Variants in TRMT2B observed in about 807,000 individuals in gnomAD.
The protein encoded by TRMT2B is tRNA methyltransferase 2B.
In TRMT2B, 34 loss-of-function variants were observed where a neutral mutation model predicts 39.7. That is an observed-to-expected ratio of 0.86 (90% CI 0.65 to 1.14). The LOEUF is 1.14. TRMT2B is among the 50% of genes most tolerant of loss of function. TRMT2B has a pLI of 0.00. For synonymous variants in TRMT2B, 132 were observed against 137.3 expected (o/e 0.96, Z 0.27); for missense variants, 318 against 377.2 (o/e 0.84, Z 1.30).
chrX:101,025,651 T>C lies in TRMT2B; in HGVS notation c.610-2035A>G, dbSNP rs1438924637. 3.6e-5 allele frequency among the ~76,000 whole-genome samples: 4 copies of C among 111,549 alleles called. No individual in the cohort carries two copies. In the Admixed American group the frequency reaches 3.9e-4, roughly 11 times the overall value. Reference sequence around the variant, plus strand: ...TCAACATAGTTTTCAAATTTTAAGGTTGGTGATTTAAAGAAAGCCTAGTTC... The same window carrying C: ...TCAACATAGTTTTCAAATTTTAAGGCTGGTGATTTAAAGAAAGCCTAGTTC... On this transcript the variant is annotated intron_variant, in intron 7 of 13. Transcript: ENST00000372936.
At chrX:101,034,788 T>C (rs1291178289) in intron 7 of TRMT2B, among the ~76,000 whole-genome samples, 1 of 110,919 alleles carries the variant, frequency 9.0e-6, no homozygotes, top group African/African-American at 3.3e-5. Flanking sequence ...TCCCAGCACT[T>C]TGGGAGGCCG....
the TRMT2B span, among the ~76,000 whole-genome samples, chrX:100,980,745 A>T: frequency 1.8e-5 from 2 of 111,500 alleles, no homozygotes; most frequent in Non-Finnish European, 3.8e-5. Context: ...GCCCATGGTG[A>T]CTACTGCCTG....
chrX:101,031,685 G>A (rs1386418895), intron 7 of TRMT2B, among the ~76,000 whole-genome samples: 2 of 101,207 alleles, frequency 2.0e-5, no homozygotes, highest in African/African-American at 7.4e-5. Flanking sequence ...TCTAGCCTGG[G>A]CAACAGGAGC....
the TRMT2B span, chrX:100,974,210 G>C: frequency 2.3e-5 from 27 of 1,157,169 alleles, no homozygotes; most frequent in African/African-American, 5.4e-5. Context: ...AAGGAACTAA[G>C]AGCATTAGAT....
chrX:101,039,061 G>A (rs1204305480), intron 4 of TRMT2B, among the ~76,000 whole-genome samples: 2 of 107,063 alleles, frequency 1.9e-5, no homozygotes, highest in Non-Finnish European at 3.9e-5. Flanking sequence ...TAAACTTTTT[G>A]TTTTTTTATT....
intron 4 of TRMT2B, among the ~76,000 whole-genome samples, 178 bp from the exon 5 acceptor site, chrX:101,038,229 G>A (rs1441334762): frequency 2.8e-5 from 3 of 107,934 alleles, no homozygotes; most frequent in East Asian, 2.9e-4. Context: ...TTAGAGGGGC[G>A]TGGTTGTGCA....
chrX:101,001,693 G>A, the TRMT2B span, among the ~76,000 whole-genome samples: 1 of 110,496 alleles, frequency 9.1e-6, no homozygotes, highest in African/African-American at 3.3e-5. Context: ...GGCATGTTAA[G>A]TGACATGAGA....
intron 7 of TRMT2B, among the ~76,000 whole-genome samples, chrX:101,032,962 G>A (rs2087586137): frequency 1.8e-5 from 2 of 110,385 alleles, no homozygotes; most frequent in Non-Finnish European, 3.8e-5. Flanking sequence ...AAGCATTTGG[G>A]AAGAAATTGG....
At chrX:100,985,815 T>C in the TRMT2B span, 2 of 1,209,606 alleles carry the variant, frequency 1.7e-6, no homozygotes, top group African/African-American at 1.8e-5. Flanking sequence ...ATGGGCTTGT[T>C]TTCGTCCTGG....
intron 5 of TRMT2B, chrX:101,037,680 C>A: frequency 3.1e-6 from 1 of 317,587 alleles, no homozygotes; most frequent in Non-Finnish European, 5.5e-6. Flanking sequence ...TCAGCTCTGG[C>A]CCTTTCTAGA....
the TRMT2B span, among the ~76,000 whole-genome samples, chrX:101,001,992 T>C: frequency 9.0e-6 from 1 of 111,278 alleles, no homozygotes; most frequent in Non-Finnish European, 1.9e-5. Context: ...TGTTTTTAAC[T>C]GGGGTCTTAC....
chrX:100,988,454 A>T, the TRMT2B span: 7 of 1,197,349 alleles, frequency 5.8e-6, no homozygotes, highest in Non-Finnish European at 7.9e-6. Context: ...AAAGAAGGTG[A>T]ATGTTCTAGG....
the TRMT2B span, chrX:100,988,296 T>C: frequency 8.3e-7 from 1 of 1,206,268 alleles, no homozygotes; most frequent in Non-Finnish European, 1.1e-6. Flanking sequence ...AAATGGCCCT[T>C]TAAATGTTAA....
intron 7 of TRMT2B, among the ~76,000 whole-genome samples, chrX:101,029,387 C>T (rs758503139): frequency 3.6e-5 from 4 of 110,868 alleles, no homozygotes; most frequent in Non-Finnish European, 5.6e-5. Context: ...TCAGAAAGAA[C>T]AGAGCAAGAT....
At chrX:101,046,335 T>C (rs1017978144) in intron 2 of TRMT2B, among the ~76,000 whole-genome samples, 1 of 111,082 alleles carries the variant, frequency 9.0e-6, no homozygotes, top group African/African-American at 3.3e-5. Flanking sequence ...CCAAGGCATA[T>C]ACCTCTGAGG....
intron 7 of TRMT2B, among the ~76,000 whole-genome samples, chrX:101,027,307 C>G (rs1469537653): frequency 9.1e-6 from 1 of 109,818 alleles, no homozygotes; most frequent in Non-Finnish European, 1.9e-5. Flanking sequence ...TCTCGGTTCA[C>G]TGCAACCTCC....
chrX:100,987,033 T>TG, the TRMT2B span: 1 of 434,890 alleles, frequency 2.3e-6, no homozygotes, highest in Non-Finnish European at 4.0e-6. Flanking sequence ...CCACAGTGAT[T>TG]CCTGACTTGA....
At chrX:101,001,824 CAAAAAAAAAAA>C in the TRMT2B span, among the ~76,000 whole-genome samples, 3 of 59,981 alleles carry the variant, frequency 5.0e-5, no homozygotes, top group Non-Finnish European at 9.0e-5. Flanking sequence ...AAGTGATATT[CAAAAAAAAAAA>C]AAAAAAAAAG....
At chrX:100,973,536 G>A in the TRMT2B span, 2 of 944,117 alleles carry the variant, frequency 2.1e-6, no homozygotes, top group Non-Finnish European at 2.9e-6. Flanking sequence ...TATAGACACA[G>A]TTGGATAGAA....
Sources: allele counts gnomAD v4.1 joint callset (sites outside exome capture counted in the v4.1 genomes callset), GRCh38; gene constraint gnomAD v4.1.1; transcripts MANE v1.5; gene names NCBI Gene and HGNC (gene_info 2026-07-23, HGNC 2026-07-21).